Variants in WAC observed in about 807,000 individuals in gnomAD.
The protein encoded by WAC is WW domain containing adaptor with coiled-coil.
WAC carries 11 observed loss-of-function variants against 79.6 expected under a neutral mutation model. That is an observed-to-expected ratio of 0.14 (90% CI 0.09 to 0.23). The LOEUF is 0.23. WAC is among the 10% of genes least tolerant of loss of function. WAC has a pLI of 1.00. For missense variants in WAC, 728 were observed against 773.5 expected, an observed-to-expected ratio of 0.94 and a Z score of 0.70; for synonymous variants, 304 against 276.9, an observed-to-expected ratio of 1.10 and a Z score of -0.97.
intron 3 of WAC, among the ~76,000 whole-genome samples, chr10:28,555,187 A>G (rs902827189): frequency 1.3e-5 from 2 of 152,056 alleles, no homozygotes; most frequent in Admixed American, 6.6e-5. Context: ...TTATGTAGCA[A>G]TGAGCTCCAG....
At chr10:28,535,336 T>G (rs1286640552) in intron 2 of WAC, 32 of 325,690 alleles carry the variant, frequency 9.8e-5, no homozygotes, top group South Asian at 4.0e-4. Context: ...ATGGAGTGGG[T>G]TTTTTTTGTG....
At chr10:28,583,264 G>A in intron 3 of WAC, 135 bp from the exon 4 acceptor site, 1 of 583,178 alleles carries the variant, frequency 1.7e-6, no homozygotes, top group Non-Finnish European at 2.9e-6. Context: ...AAGTATGACT[G>A]TGTATATATT....
At chr10:28,590,508 G>A (rs1840030999) in intron 5 of WAC, among the ~76,000 whole-genome samples, 1 of 152,116 alleles carries the variant, frequency 6.6e-6, no homozygotes, top group Admixed American at 6.6e-5. Context: ...TATGGCGTTA[G>A]TGGTATAACA....
At chr10:28,588,648 G>A (rs959430991) in intron 4 of WAC, 1 of 152,080 alleles carries the variant, frequency 6.6e-6, no homozygotes, top group Non-Finnish European at 1.5e-5. Flanking sequence ...ATTGTGGCAC[G>A]ATACAGTGAA....
chr10:28,555,938 T>C (rs1837953609), intron 3 of WAC, among the ~76,000 whole-genome samples: 2 of 152,142 alleles, frequency 1.3e-5, no homozygotes, highest in South Asian at 2.1e-4. Flanking sequence ...TATTCAGTTA[T>C]AGCAACAGAA....
chr10:28,555,857 C>G (rs1837949617), intron 3 of WAC, among the ~76,000 whole-genome samples: 1 of 152,248 alleles, frequency 6.6e-6, no homozygotes, highest in South Asian at 2.1e-4. Context: ...TGGCACCATG[C>G]TGTACAACTT....
rs1723004369 is a variant in WAC at position 28,620,273 on chromosome 10, C to T, written c.*667C>T. 1 of 152,614 alleles carries T rather than the reference C, an allele frequency of 6.6e-6. No individual in the cohort carries two copies. Among genetic ancestry groups the T allele is most frequent in the Non-Finnish European group, 1.5e-5 (1 of 68,056 alleles). The allele number at this position is 152,614 out of a possible 1,614,324, so 9.5% of individuals were successfully genotyped here. On this transcript the variant is annotated 3_prime_UTR_variant, in exon 14 of 14. Transcript: ENST00000354911. ...AAGGCACTGTTGCTATGGCACTTTT[C>T]TATAACCTTTTCATTCCTGTGTACA... is the stretch of plus-strand genomic sequence containing the variant.
intron 3 of WAC, among the ~76,000 whole-genome samples, chr10:28,548,248 T>C (rs566103677): frequency 6.6e-6 from 1 of 152,232 alleles, no homozygotes; most frequent in East Asian, 1.9e-4. Flanking sequence ...CTAAAGACCC[T>C]GGACAATACC....
At chr10:28,585,223 GA>G (rs1839755747) in intron 4 of WAC, among the ~76,000 whole-genome samples, 1 of 152,150 alleles carries the variant, frequency 6.6e-6, no homozygotes, top group South Asian at 2.1e-4. Flanking sequence ...TGGGGTTTTA[GA>G]ACCCAGTAGC....
chr10:28,572,788 G>A (rs1259173801), intron 3 of WAC, among the ~76,000 whole-genome samples: 1 of 152,190 alleles, frequency 6.6e-6, no homozygotes, highest in Non-Finnish European at 1.5e-5. Flanking sequence ...TCCAGCCTTG[G>A]CGATGAGAGC....
chr10:28,561,069 ACT>A (rs1311739716), intron 3 of WAC, among the ~76,000 whole-genome samples: 1 of 152,226 alleles, frequency 6.6e-6, no homozygotes, highest in Non-Finnish European at 1.5e-5. Context: ...GTGAGTGTAT[ACT>A]GTGTCTAGGT....
intron 3 of WAC, among the ~76,000 whole-genome samples, chr10:28,552,834 C>A (rs1287892061): frequency 4.4e-5 from 6 of 136,568 alleles, no homozygotes; most frequent in Non-Finnish European, 7.7e-5. Context: ...GTGAGCAAAT[C>A]CACTTGGCTG....
intron 9 of WAC, 54 bp from the exon 10 acceptor site, chr10:28,611,720 G>GTT: frequency 6.3e-7 from 1 of 1,592,120 alleles, no homozygotes; most frequent in East Asian, 2.2e-5. Context: ...AAGGACTTTA[G>GTT]TTTTTTGTTT....
At chr10:28,568,573 C>G (rs1226665655) in intron 3 of WAC, among the ~76,000 whole-genome samples, 1 of 151,816 alleles carries the variant, frequency 6.6e-6, no homozygotes, top group Non-Finnish European at 1.5e-5. Flanking sequence ...ACTTCAAGTT[C>G]TAGGGTACAT....
Position 28,608,601 on chromosome 10 carries a change from A to C in WAC, c.1165+170A>C, listed in dbSNP as rs920375739. On this transcript the variant is annotated intron_variant, in intron 8 of 13. Coordinates refer to ENST00000354911, the MANE Select transcript of WAC (RefSeq NM_016628.5). ...GAGTTTGGAAATTTATATCCACTGT[A>C]GTTTAAGACCATTGGTAGTATAATT... is the stretch of plus-strand genomic sequence containing the variant. 33 of 675,166 alleles carry C rather than the reference A, an allele frequency of 4.9e-5. No homozygotes were observed. The African/African-American group carries it at 5.8e-4, about 12-fold the overall frequency. 41.8% of individuals were successfully genotyped at this position (675,166 alleles called of 1,614,324 possible).
intron 3 of WAC, among the ~76,000 whole-genome samples, chr10:28,570,563 G>A (rs890936799): frequency 2.0e-5 from 3 of 152,072 alleles, no homozygotes; most frequent in Non-Finnish European, 4.4e-5. Flanking sequence ...TTTAAGTATT[G>A]GACTTTCATT....
At chr10:28,587,401 G>A (rs1839873983) in intron 4 of WAC, among the ~76,000 whole-genome samples, 1 of 152,102 alleles carries the variant, frequency 6.6e-6, no homozygotes, top group African/African-American at 2.4e-5. Context: ...GTATGCTTGT[G>A]GTAAAATGAG....
chr10:28,601,677 A>G (rs1299875991), intron 7 of WAC, among the ~76,000 whole-genome samples: 1 of 152,206 alleles, frequency 6.6e-6, no homozygotes, highest in Non-Finnish European at 1.5e-5. Context: ...AGATGAAAGG[A>G]TACGACGTGA....
intron 3 of WAC, among the ~76,000 whole-genome samples, chr10:28,551,633 T>G (rs937650732): frequency 1.1e-4 from 16 of 152,182 alleles, no homozygotes; most frequent in African/African-American, 3.6e-4. Context: ...TTCACTGAAT[T>G]GTTTTTAATG....
Sources: gnomAD v4.1 joint callset for allele counts (sites outside exome capture counted in the v4.1 genomes callset) on GRCh38, gnomAD v4.1.1 for gene constraint, MANE v1.5 for transcripts, NCBI Gene and HGNC (gene_info 2026-07-23, HGNC 2026-07-21) for gene names.